The following USP47 variants were observed in gnomAD, a reference collection of about 807,000 sequenced individuals.
USP47 encodes ubiquitin specific peptidase 47.
In USP47, 35 loss-of-function variants were observed where a neutral mutation model predicts 165.1. That is an observed-to-expected ratio of 0.21 (90% confidence interval 0.16 to 0.28). USP47 has a LOEUF of 0.28. USP47 is among the 10% of genes least tolerant of loss of function. The pLI is 1.00. For missense variants in USP47, 1,277 were observed against 1,607.4 expected, an observed-to-expected ratio of 0.79 and a Z score of 3.52; for synonymous variants, 531 against 544.5, an observed-to-expected ratio of 0.98 and a Z score of 0.35.
chr11:11,883,488 ATT>A lies in USP47; in HGVS notation c.244-972_244-971del, dbSNP rs531629764. Among the ~76,000 whole-genome samples the A allele has an allele frequency of 3.0e-3, 460 of 152,078 alleles. 1 individual carries two copies. Among genetic ancestry groups the A allele is most frequent in the African/African-American group, 0.01 (435 of 41,470 alleles). ...TAAGTAGCAGAATCTCTTACAGTTA[ATT>A]TTTTTTGTCCTCAGTACCTGCACTT... On this transcript the variant is annotated intron_variant, in intron 2 of 27. Transcript: ENST00000527733.
chr11:11,877,181 G>A (rs1850487044), intron 1 of USP47, among the ~76,000 whole-genome samples: 1 of 151,616 alleles, frequency 6.6e-6, no homozygotes, highest in South Asian at 2.1e-4. Context: ...TATCTTATTG[G>A]TGGTATCTTA....
At chr11:11,949,459 T>A (rs72857643) in intron 22 of USP47, among the ~76,000 whole-genome samples, 19,410 of 152,196 alleles carry the variant, frequency 0.13, 1,585 homozygotes, top group Middle Eastern at 0.39. Flanking sequence ...ATTACAGTCA[T>A]TTTGATTTAC....
intron 1 of USP47, among the ~76,000 whole-genome samples, chr11:11,869,256 T>C (rs1849876990): frequency 6.6e-6 from 1 of 152,198 alleles, no homozygotes; most frequent in South Asian, 2.1e-4. Context: ...TGTTTTCCAT[T>C]TATGTTTATG....
At position 11,942,803 on chromosome 11, in the gene USP47, G is replaced by A. The variant is rs1268488468; in HGVS notation, c.2782G>A (p.Val928Met). 2 of 1,613,582 alleles carry A rather than the reference G, an allele frequency of 1.2e-6. No individual in the cohort carries two copies. The highest frequency in any genetic ancestry group is 1.7e-5 in the Admixed American group (1 of 59,928). ...FQSEERSDSD[V>M]NNDRSTSSVD... ...GTCTGAAGAACGATCAGACTCAGAT[G>A]TGAATAATGACAGGAGTACAAGTTC... The change falls in exon 20 of 28, where the codon GTG becomes ATG. Residue 928 changes from valine to methionine, a missense_variant. Val to Met is a conservative substitution (Grantham distance 21). Transcript: ENST00000527733.
chr11:11,872,981 C>T (rs966434996), intron 1 of USP47, among the ~76,000 whole-genome samples: 3 of 152,022 alleles, frequency 2.0e-5, no homozygotes, highest in African/African-American at 7.2e-5. Context: ...AAGTAGATTT[C>T]AAATACTGGT....
At chr11:11,906,167 T>A in intron 8 of USP47, among the ~76,000 whole-genome samples, 1 of 152,272 alleles carries the variant, frequency 6.6e-6, no homozygotes, top group Middle Eastern at 3.4e-3. Context: ...TTTTTTATAA[T>A]TTTTTAATTG....
At chr11:11,865,805 G>T (rs541623766) in intron 1 of USP47, among the ~76,000 whole-genome samples, 1 of 151,912 alleles carries the variant, frequency 6.6e-6, no homozygotes, top group East Asian at 1.9e-4. Flanking sequence ...TTATGTGCTT[G>T]TTGGCTATTT....
intron 8 of USP47, among the ~76,000 whole-genome samples, chr11:11,917,087 A>G (rs1353142106): frequency 2.6e-5 from 4 of 152,152 alleles, no homozygotes; most frequent in Non-Finnish European, 5.9e-5. Context: ...AGGGATTTCA[A>G]AGCTGCAGTG....
At chr11:11,925,360 G>A (rs772512965) in intron 11 of USP47, among the ~76,000 whole-genome samples, 8 of 151,832 alleles carry the variant, frequency 5.3e-5, no homozygotes, top group East Asian at 1.9e-4. Context: ...CACCCACCTC[G>A]GCCTCCCACT....
chr11:11,875,253 T>C (rs1184166043), intron 1 of USP47, among the ~76,000 whole-genome samples: 2 of 152,196 alleles, frequency 1.3e-5, no homozygotes, highest in Non-Finnish European at 2.9e-5. Context: ...TGAATTTTGA[T>C]ATTAGCTTAT....
chr11:11,883,275 G>A (rs995503218), intron 2 of USP47, among the ~76,000 whole-genome samples: 5 of 152,074 alleles, frequency 3.3e-5, no homozygotes, highest in Admixed American at 2.6e-4. Context: ...TAATATATTC[G>A]CTGTTTTATT....
At chr11:11,881,121 A>G (rs1057233019) in intron 2 of USP47, among the ~76,000 whole-genome samples, 1 of 151,920 alleles carries the variant, frequency 6.6e-6, no homozygotes, top group Non-Finnish European at 1.5e-5. Flanking sequence ...GCTCATCTTT[A>G]TATTTGAGAA....
intron 18 of USP47, 44 bp downstream of exon 18, chr11:11,938,416 C>G: frequency 7.0e-7 from 1 of 1,438,540 alleles, no homozygotes; most frequent in South Asian, 1.2e-5. Context: ...TGAGAGCCTG[C>G]TATGTACAAG....
At chr11:11,892,388 T>C (rs1189676435) in intron 4 of USP47, among the ~76,000 whole-genome samples, 1 of 146,686 alleles carries the variant, frequency 6.8e-6, no homozygotes, top group South Asian at 2.2e-4. Context: ...TTCTTTTTTT[T>C]TTTTTTTTTT....
At chr11:11,912,631 A>AT (rs1398965413) in intron 8 of USP47, among the ~76,000 whole-genome samples, 1 of 152,092 alleles carries the variant, frequency 6.6e-6, no homozygotes, top group East Asian at 1.9e-4. Flanking sequence ...GGTCTGTACA[A>AT]TTTCTTTTCA....
chr11:11,866,643 A>G (rs1050605601), intron 1 of USP47, among the ~76,000 whole-genome samples: 1 of 152,050 alleles, frequency 6.6e-6, no homozygotes, highest in African/African-American at 2.4e-5. Context: ...TTTTTCCTAT[A>G]ATACATTTTT....
At chr11:11,926,992 A>G (rs1854300067) in intron 11 of USP47, among the ~76,000 whole-genome samples, 2 of 99,268 alleles carry the variant, frequency 2.0e-5, no homozygotes, top group South Asian at 3.3e-4. Flanking sequence ...CAACTTACAC[A>G]TATTTGTGAA....
intron 5 of USP47, among the ~76,000 whole-genome samples, chr11:11,899,028 A>G (rs965666824): frequency 1.4e-4 from 22 of 152,220 alleles, no homozygotes; most frequent in Non-Finnish European, 1.0e-4. Flanking sequence ...CTGAAAGCAC[A>G]CTGCTAGAAG....
chr11:11,936,780 C>T (rs774837662), intron 17 of USP47, among the ~76,000 whole-genome samples: 2 of 151,756 alleles, frequency 1.3e-5, no homozygotes, highest in African/African-American at 2.4e-5. Flanking sequence ...CTCCAGTGGG[C>T]GGTACTGAAT....
Sources: gnomAD v4.1 joint callset for allele counts (sites outside exome capture counted in the v4.1 genomes callset) on GRCh38, gnomAD v4.1.1 for gene constraint, MANE v1.5 for transcripts, NCBI Gene and HGNC (gene_info 2026-07-23, HGNC 2026-07-21) for gene names.